CNTN5: variants seen among roughly 807,000 people sequenced by gnomAD.
CNTN5 encodes the protein contactin-5.
CNTN5 carries 77 observed loss-of-function variants against 129.1 expected under a neutral mutation model. The observed-to-expected ratio is 0.60, with a 90% CI of 0.50 to 0.72. The LOEUF is 0.72. Ranked by LOEUF, CNTN5 falls within the 30% of genes least tolerant of loss-of-function variation. The probability of loss-of-function intolerance (pLI) is 0.00; values close to 1 mark genes in which losing one functional copy is unlikely to be tolerated. For missense variants in CNTN5, 1,478 were observed against 1,328.8 expected, an observed-to-expected ratio of 1.11 and a Z score of -1.75; for synonymous variants, 509 against 465.6, an observed-to-expected ratio of 1.09 and a Z score of -1.20.
intron 20 of CNTN5, among the ~76,000 whole-genome samples, chr11:100,302,163 T>C (rs1951236699): frequency 6.6e-6 from 1 of 150,642 alleles, no homozygotes. Flanking sequence ...ATCAACATTC[T>C]TTTTTAGTCA....
intron 2 of CNTN5, among the ~76,000 whole-genome samples, chr11:99,474,844 G>C (rs941368581): frequency 6.6e-6 from 1 of 151,992 alleles, no homozygotes; most frequent in Non-Finnish European, 1.5e-5. Flanking sequence ...TAATGTTTCC[G>C]GAATAAAACA....
chr11:100,217,695 T>C (rs1157269707), intron 15 of CNTN5, among the ~76,000 whole-genome samples: 1 of 152,206 alleles, frequency 6.6e-6, no homozygotes, highest in Non-Finnish European at 1.5e-5. Flanking sequence ...AGCAAAAATG[T>C]GTATTGTCTG....
chr11:99,424,941 G>T (rs972420664), intron 2 of CNTN5, among the ~76,000 whole-genome samples: 1 of 152,168 alleles, frequency 6.6e-6, no homozygotes, highest in Non-Finnish European at 1.5e-5. Flanking sequence ...ACTCAAAGTG[G>T]GTTGCTCCTT....
At chr11:99,301,143 G>T (rs918299084) in intron 1 of CNTN5, among the ~76,000 whole-genome samples, 1 of 151,414 alleles carries the variant, frequency 6.6e-6, no homozygotes, top group Non-Finnish European at 1.5e-5. Context: ...GAGAAACACT[G>T]GAAGTATATA....
At chr11:99,303,361 T>A (rs1433322732) in intron 1 of CNTN5, among the ~76,000 whole-genome samples, 1 of 151,724 alleles carries the variant, frequency 6.6e-6, no homozygotes, top group Non-Finnish European at 1.5e-5. Flanking sequence ...AATACTAAAC[T>A]TAGAACACAT....
intron 1 of CNTN5, among the ~76,000 whole-genome samples, chr11:99,026,314 G>T (rs1361930248): frequency 2.0e-5 from 3 of 151,482 alleles, no homozygotes; most frequent in Non-Finnish European, 4.4e-5. Flanking sequence ...TTTTCTAAAA[G>T]ATATAGACTG....
At chr11:100,300,763 C>G (rs910931952) in intron 20 of CNTN5, among the ~76,000 whole-genome samples, 4 of 151,462 alleles carry the variant, frequency 2.6e-5, no homozygotes, top group Non-Finnish European at 5.9e-5. Flanking sequence ...CAAGTAATGG[C>G]AAGGAACTAG....
intron 13 of CNTN5, among the ~76,000 whole-genome samples, chr11:100,090,942 C>A (rs549437123): frequency 3.3e-5 from 5 of 152,134 alleles, no homozygotes; most frequent in Admixed American, 3.3e-4. Flanking sequence ...CTCTATCCAG[C>A]AATCAGAGTT....
chr11:99,919,297 T>A (rs1207139891), intron 7 of CNTN5, among the ~76,000 whole-genome samples: 1 of 152,172 alleles, frequency 6.6e-6, no homozygotes, highest in Non-Finnish European at 1.5e-5. Context: ...CTTTAAGAAA[T>A]TGTTTCAGCA....
At chr11:99,838,970 T>G (rs755162308) in intron 4 of CNTN5, among the ~76,000 whole-genome samples, 1 of 152,130 alleles carries the variant, frequency 6.6e-6, no homozygotes, top group Admixed American at 6.6e-5. Context: ...TCAAAAAAGT[T>G]GTGGACATAT....
At chr11:99,681,401 T>C (rs1220480883) in intron 3 of CNTN5, among the ~76,000 whole-genome samples, 2 of 152,004 alleles carry the variant, frequency 1.3e-5, no homozygotes. Flanking sequence ...TTCTGAGAAA[T>C]TGCCGCAGCC....
At chr11:100,070,668 C>T (rs908680307) in intron 11 of CNTN5, 108 bp downstream of exon 11, 54 of 927,192 alleles carry the variant, frequency 5.8e-5, no homozygotes, top group Non-Finnish European at 8.1e-5. Flanking sequence ...GTTTCTGATT[C>T]GTATAATAGG....
At chr11:99,917,650 GA>G (rs1259086557) in intron 7 of CNTN5, among the ~76,000 whole-genome samples, 1 of 152,070 alleles carries the variant, frequency 6.6e-6, no homozygotes, top group Non-Finnish European at 1.5e-5. Flanking sequence ...AAGATTTTCT[GA>G]GATATGATCT....
chr11:99,900,502 T>C (rs531600362), intron 6 of CNTN5, among the ~76,000 whole-genome samples: 4 of 152,266 alleles, frequency 2.6e-5, no homozygotes, highest in Admixed American at 1.3e-4. Context: ...GCCTTTGCTG[T>C]ATCCCAGAGG....
Position 99,037,142 on chromosome 11 carries a change from G to A in CNTN5, c.-210+15872G>A, listed in dbSNP as rs118184132. 6.1e-3 allele frequency among the ~76,000 whole-genome samples: 925 copies of A among 152,232 alleles called. 4 individuals carry two copies. Among genetic ancestry groups the A allele is most frequent in the Non-Finnish European group, 0.01 (699 of 68,012 alleles). On this transcript the variant is annotated intron_variant, in intron 1 of 24. Coordinates refer to ENST00000524871, the MANE Select transcript of CNTN5 (RefSeq NM_014361.4). ...ATCACATAAAATAATCCAGATAAAT[G>A]AGCCTGTTTTCTCATATTCAAAGTA... is the stretch of plus-strand genomic sequence containing the variant.
chr11:99,459,705 C>T (rs1050591546), intron 2 of CNTN5, among the ~76,000 whole-genome samples: 5 of 151,854 alleles, frequency 3.3e-5, no homozygotes, highest in Non-Finnish European at 7.4e-5. Flanking sequence ...CCTCTGTAAC[C>T]TAATGAAGCT....
intron 16 of CNTN5, among the ~76,000 whole-genome samples, chr11:100,239,734 A>G (rs150408664): frequency 6.6e-6 from 1 of 152,336 alleles, no homozygotes; most frequent in African/African-American, 2.4e-5. Context: ...AATTGTCTTT[A>G]ACTGTAAAAC....
At chr11:100,127,308 C>A (rs1946220174) in intron 13 of CNTN5, among the ~76,000 whole-genome samples, 1 of 151,858 alleles carries the variant, frequency 6.6e-6, no homozygotes, top group Non-Finnish European at 1.5e-5. Flanking sequence ...CTAGTGATGA[C>A]ACATTCCTTT....
chr11:99,890,121 C>A (rs1467197875), intron 6 of CNTN5, among the ~76,000 whole-genome samples: 1 of 151,822 alleles, frequency 6.6e-6, no homozygotes, highest in Non-Finnish European at 1.5e-5. Context: ...CCTCAATGGG[C>A]AATATATTTG....
Sources: gnomAD v4.1 joint callset for allele counts (sites outside exome capture counted in the v4.1 genomes callset) on GRCh38, gnomAD v4.1.1 for gene constraint, MANE v1.5 for transcripts, NCBI Gene and HGNC (gene_info 2026-07-23, HGNC 2026-07-21) for gene names.